Variants in KLF7 observed in about 807,000 individuals in gnomAD.
The protein encoded by KLF7 is KLF transcription factor 7, also known as Krueppel-like factor 7.
KLF7 carries 2 observed loss-of-function variants against 27.3 expected under a neutral mutation model. The ratio of observed to expected loss-of-function variants is 0.07; its 90% confidence interval spans 0.03 to 0.23. The LOEUF (loss-of-function observed/expected upper bound fraction) is 0.23. Among genes scored for constraint, KLF7 ranks in the 10% least tolerant of loss-of-function variants. The pLI is 1.00. For synonymous variants in KLF7, 165 were observed against 162.4 expected (o/e 1.02, Z -0.12); for missense variants, 221 against 394.1 (o/e 0.56, Z 3.72).
intron 1 of KLF7, among the ~76,000 whole-genome samples, chr2:207,153,224 C>T (rs992832890): frequency 4.6e-5 from 7 of 151,768 alleles, no homozygotes; most frequent in African/African-American, 1.5e-4. Context: ...CAAAGTCCTC[C>T]GCACACCTTT....
rs112386701 is a variant in KLF7, at chr2:207,106,531, C to T, written c.733+17243G>A. ...CTATGAGCTGAGTGGATGGGCCATT[C>T]AGCATTCATCGTCTGGTATTTATGC... On this transcript the variant is annotated intron_variant, in intron 2 of 3. Coordinates refer to ENST00000309446, the MANE Select transcript of KLF7 (RefSeq NM_003709.4). Among the ~76,000 whole-genome samples the T allele has an allele frequency of 2.8e-4, 42 of 152,268 alleles. No individual in the cohort carries two copies. The Middle Eastern group carries it at 0.01, about 37-fold the overall frequency.
upstream of KLF7, chr2:207,167,370 T>G (rs760948877): frequency 8.9e-6 from 3 of 335,744 alleles, no homozygotes; most frequent in Non-Finnish European, 1.6e-5. Flanking sequence ...TTGGAATGAT[T>G]GCAGAATTCG....
chr2:207,132,086 T>C (rs1334537881), intron 1 of KLF7, among the ~76,000 whole-genome samples: 2 of 152,122 alleles, frequency 1.3e-5, no homozygotes, highest in Non-Finnish European at 2.9e-5. Context: ...GACCAGGAAA[T>C]ATTAGGAGAG....
At chr2:207,106,457 A>G (rs1289916659) in intron 2 of KLF7, among the ~76,000 whole-genome samples, 1 of 152,248 alleles carries the variant, frequency 6.6e-6, no homozygotes, top group Non-Finnish European at 1.5e-5. Context: ...ATGAGATGAA[A>G]AAAAATTGAT....
intron 1 of KLF7, chr2:207,134,015 GCA>G (rs1016597023): frequency 3.6e-5 from 51 of 1,421,138 alleles, no homozygotes; most frequent in Admixed American, 6.4e-5. Context: ...TGTTAACTTT[GCA>G]CACACACTCA....
chr2:207,159,651 C>T (rs1453270238), intron 1 of KLF7, among the ~76,000 whole-genome samples: 1 of 152,102 alleles, frequency 6.6e-6, no homozygotes, highest in Non-Finnish European at 1.5e-5. Context: ...ACAAAAATCC[C>T]ACAAAGTGTG....
intron 1 of KLF7, chr2:207,149,167 T>C (rs1282634227): frequency 1.6e-6 from 2 of 1,288,442 alleles, no homozygotes; most frequent in African/African-American, 3.0e-5. Context: ...GAAACTGGTG[T>C]GTTTTCTTTT....
intron 1 of KLF7, among the ~76,000 whole-genome samples, chr2:207,161,306 TAAAG>T (rs1323970580): frequency 6.6e-6 from 1 of 152,070 alleles, no homozygotes; most frequent in African/African-American, 2.4e-5. Context: ...CTGTTTCAAA[TAAAG>T]AAACAGATTT....
At chr2:207,123,622 G>C (rs934359291) in intron 2 of KLF7, 152 bp downstream of exon 2, 4 of 770,576 alleles carry the variant, frequency 5.2e-6, no homozygotes, top group Non-Finnish European at 8.4e-6. Flanking sequence ...TAACAAGTGA[G>C]TCATTCTTTG....
intron 1 of KLF7, among the ~76,000 whole-genome samples, chr2:207,138,434 T>C (rs1559153639): frequency 6.6e-6 from 1 of 152,316 alleles, no homozygotes; most frequent in East Asian, 1.9e-4. Context: ...CCACCAGAGC[T>C]TGTGGGTGGT....
chr2:207,120,984 T>A (rs568097328), intron 2 of KLF7: 2 of 152,208 alleles, frequency 1.3e-5, no homozygotes, highest in Admixed American at 6.5e-5. Flanking sequence ...CCACCCTCCA[T>A]CCCTGTCTCT....
At chr2:207,107,573 C>T (rs2076912476) in intron 2 of KLF7, among the ~76,000 whole-genome samples, 1 of 152,196 alleles carries the variant, frequency 6.6e-6, no homozygotes, top group Admixed American at 6.5e-5. Flanking sequence ...TTTATAACTG[C>T]TGTTTTCTCC....
intron 2 of KLF7, among the ~76,000 whole-genome samples, chr2:207,118,499 A>G (rs1263620): frequency 1 from 151,847 of 152,342 alleles, 75,679 homozygotes; most frequent in Middle Eastern, 1. Context: ...TCTTAATAAC[A>G]GGTTACTTTT....
chr2:207,114,897 A>C (rs1435810643), intron 2 of KLF7, among the ~76,000 whole-genome samples: 1 of 152,082 alleles, frequency 6.6e-6, no homozygotes, highest in Admixed American at 6.5e-5. Flanking sequence ...ATGCAGACCC[A>C]ACAAAGTTGG....
At chr2:207,158,907 C>T (rs1052835037) in intron 1 of KLF7, among the ~76,000 whole-genome samples, 1 of 152,162 alleles carries the variant, frequency 6.6e-6, no homozygotes, top group African/African-American at 2.4e-5. Context: ...GTAAACTGGT[C>T]TGGGCATCTG....
At chr2:207,126,584 A>G (rs560431358) in intron 1 of KLF7, among the ~76,000 whole-genome samples, 4 of 152,300 alleles carry the variant, frequency 2.6e-5, no homozygotes. Context: ...TGAGACACAG[A>G]TATGTTTTAG....
At chr2:207,153,298 T>TA (rs1305244080) in intron 1 of KLF7, among the ~76,000 whole-genome samples, 1 of 152,172 alleles carries the variant, frequency 6.6e-6, no homozygotes, top group East Asian at 1.9e-4. Context: ...ATCATCTAGT[T>TA]AAACACAAAG....
intron 1 of KLF7, among the ~76,000 whole-genome samples, chr2:207,165,046 G>A (rs530848560): frequency 1.1e-4 from 14 of 126,824 alleles, no homozygotes; most frequent in African/African-American, 4.2e-4. Context: ...TGAAACAGAT[G>A]AACCTGATTT....
At position 207,081,246 on chromosome 2, in the gene KLF7, G is replaced by A. The variant is rs564323784; in HGVS notation, c.876C>T (p.Asp292=). ...NHCDRCFSRS[D]HLALHMKRHI The stretch of plus-strand genomic sequence containing the variant: ...GTCTCTTCATGTGGAGGGCAAGATG[G>A]TCAGACCTGGAAAAACACCTAGGAG... Residue 292 remains aspartate, a synonymous_variant, in exon 4 of 4, where the codon GAC becomes GAT. Coordinates refer to ENST00000309446, the MANE Select transcript of KLF7 (RefSeq NM_003709.4). 1.2e-6 allele frequency: 2 copies of A among 1,614,022 alleles called. No homozygotes were observed. Among genetic ancestry groups the A allele is most frequent in the Non-Finnish European group, 1.7e-6 (2 of 1,179,886 alleles).
Sources: gnomAD v4.1 joint callset for allele counts (sites outside exome capture counted in the v4.1 genomes callset) on GRCh38, gnomAD v4.1.1 for gene constraint, MANE v1.5 for transcripts, NCBI Gene and HGNC (gene_info 2026-07-23, HGNC 2026-07-21) for gene names.